Variants in ZMIZ1 observed in about 807,000 individuals in gnomAD.
ZMIZ1 encodes zinc finger MIZ domain-containing protein 1.
Under a neutral mutation model 113.9 loss-of-function variants are expected in ZMIZ1, and 17 were observed. The observed-to-expected ratio is 0.15, with a 90% CI of 0.10 to 0.22. The LOEUF is 0.22. Ranked by LOEUF, ZMIZ1 falls within the 10% of genes least tolerant of loss-of-function variation. The probability of loss-of-function intolerance (pLI) is 1.00; values close to 1 mark genes in which losing one functional copy is unlikely to be tolerated. For synonymous variants in ZMIZ1, 607 were observed against 603.1 expected, an observed-to-expected ratio of 1.01 and a Z score of -0.09; for missense variants, 1,059 against 1,477.8, an observed-to-expected ratio of 0.72 and a Z score of 4.65.
In ZMIZ1 at chr10:79,132,474, C is replaced by T. The variant is rs564300692; in HGVS notation, c.-226-7208C>T. Among the ~76,000 whole-genome samples the T allele has an allele frequency of 4.0e-4, 61 of 152,296 alleles. 1 individual carries two copies. Among genetic ancestry groups the T allele is most frequent in the African/African-American group, 1.4e-3 (60 of 41,554 alleles). Reference sequence around the variant, plus strand: ...GCTGGAGTGAGGCAGCAGGGAGCAGCGAGGACTGTGGCATTCTGGAGAGTG... The same window carrying T: ...GCTGGAGTGAGGCAGCAGGGAGCAGTGAGGACTGTGGCATTCTGGAGAGTG... On this transcript the variant is annotated intron_variant, in intron 2 of 24. Transcript: ENST00000334512.
chr10:79,287,581 C>T (rs1038657746), intron 8 of ZMIZ1, among the ~76,000 whole-genome samples: 2 of 152,250 alleles, frequency 1.3e-5, no homozygotes, highest in South Asian at 2.1e-4. Flanking sequence ...AATACACATA[C>T]GACACCTTGA....
intron 7 of ZMIZ1, among the ~76,000 whole-genome samples, chr10:79,275,068 G>A (rs1450332877): frequency 6.6e-6 from 1 of 152,256 alleles, no homozygotes; most frequent in Non-Finnish European, 1.5e-5. Context: ...GCGTGCAAAT[G>A]AGTTTCCAGA....
chr10:79,209,530 C>A (rs1848457939), intron 6 of ZMIZ1, among the ~76,000 whole-genome samples: 2 of 152,242 alleles, frequency 1.3e-5, no homozygotes, highest in African/African-American at 2.4e-5. Flanking sequence ...GCCCGCCTAT[C>A]CTGAGGCTGG....
At chr10:79,292,049 C>A in intron 10 of ZMIZ1, 109 bp from the exon 11 acceptor site, 1 of 1,119,504 alleles carries the variant, frequency 8.9e-7, no homozygotes, top group Non-Finnish European at 1.3e-6. Flanking sequence ...GCCCCGTCCC[C>A]TCTAGGTTCT....
intron 5 of ZMIZ1, among the ~76,000 whole-genome samples, chr10:79,207,936 T>G (rs1354024920): frequency 6.6e-6 from 1 of 150,912 alleles, no homozygotes; most frequent in Non-Finnish European, 1.5e-5. Context: ...AGGGATCACC[T>G]TCCGCCACCC....
chr10:79,216,268 T>C lies in ZMIZ1; in HGVS notation c.274T>C (p.Ser92Pro), dbSNP rs1160516527. The change falls in exon 7 of 25, where the codon TCT (serine) becomes CCT (proline). Residue 92 changes from serine to proline, a missense_variant. Ser to Pro is a moderately conservative substitution (Grantham distance 74). This residue lies in a region of ZMIZ1 where 272 missense variants were observed against 350.4 expected (regional missense o/e 0.78). Transcript: ENST00000334512. ...AAACCGAGACAAGTTCACCCCGAAG[T>C]CTGCCGGTAGGTGTCCGTGGGGGAC... is the stretch of plus-strand genomic sequence containing the variant. Reference protein sequence around the residue: ...AANRDKFTPKSAALLSSWCEE... With the variant: ...AANRDKFTPKPAALLSSWCEE... 1 of 1,589,142 alleles carries C rather than the reference T, an allele frequency of 6.3e-7. No homozygotes were observed. Among genetic ancestry groups the C allele is most frequent in the Non-Finnish European group, 8.6e-7 (1 of 1,167,726 alleles).
At chr10:79,304,288 C>T (rs1854536083) in intron 19 of ZMIZ1, 113 bp downstream of exon 19, 1 of 1,330,760 alleles carries the variant, frequency 7.5e-7, no homozygotes, top group African/African-American at 1.5e-5. Flanking sequence ...TGAAGGACGT[C>T]ATGGAGATCA....
chr10:79,189,678 A>C (rs900653787), intron 4 of ZMIZ1, among the ~76,000 whole-genome samples: 1 of 152,140 alleles, frequency 6.6e-6, no homozygotes, highest in Non-Finnish European at 1.5e-5. Flanking sequence ...ACATGGGTCA[A>C]CTCGTGAGGT....
At position 79,132,994 on chromosome 10, in the gene ZMIZ1, G is replaced by A. The variant is rs543595221; in HGVS notation, c.-226-6688G>A. On this transcript the variant is annotated intron_variant, in intron 2 of 24. Coordinates refer to ENST00000334512, the MANE Select transcript of ZMIZ1 (RefSeq NM_020338.4). ...CTGGCCCCCTCGCAGGCTCTGGGGT[G>A]GGGGAGGGGAAGCTAAGAAAAGAAC... Among the ~76,000 whole-genome samples, 57 of 152,296 alleles carry A rather than the reference G, an allele frequency of 3.7e-4. 1 individual carries two copies. In the South Asian group the frequency reaches 5.8e-3, roughly 15 times the overall value.
rs558142931 is a variant in ZMIZ1, at chr10:79,125,961, C to T, written c.-227+6937C>T. ...CAGGGACCAGCAGCAGCGATAGGAG[C>T]CTTCTATCTGCAGAAAGGCAGGACT... is the stretch of plus-strand genomic sequence containing the variant. On this transcript the variant is annotated intron_variant, in intron 2 of 24. Coordinates refer to ENST00000334512, the MANE Select transcript of ZMIZ1 (RefSeq NM_020338.4). Among the ~76,000 whole-genome samples the T allele has an allele frequency of 2.6e-5, 4 of 152,304 alleles. 1 individual carries two copies. In the South Asian group the frequency reaches 8.3e-4, roughly 32 times the overall value.
intron 9 of ZMIZ1, chr10:79,290,637 T>C: frequency 1.9e-6 from 1 of 531,616 alleles, no homozygotes; most frequent in Non-Finnish European, 3.6e-6. Flanking sequence ...CACGGGTACC[T>C]GGTACAAGAG....
rs1343161009 is a variant in ZMIZ1 at position 79,175,766 on chromosome 10, C to T, written c.-50+13633C>T. 2.0e-5 allele frequency among the ~76,000 whole-genome samples: 3 copies of T among 152,062 alleles called. No homozygotes were observed. The East Asian group carries it at 5.8e-4, about 29-fold the overall frequency. ...ATGGGCCAGCCAGCAGGAAGGCAAC[C>T]TGCAGCCACAGTGTGGAGCCCACTC... On this transcript the variant is annotated intron_variant, in intron 4 of 24. Coordinates refer to ENST00000334512, the MANE Select transcript of ZMIZ1 (RefSeq NM_020338.4).
intron 7 of ZMIZ1, among the ~76,000 whole-genome samples, chr10:79,268,782 A>G (rs981700145): frequency 1.3e-5 from 2 of 152,196 alleles, no homozygotes; most frequent in Admixed American, 6.5e-5. Flanking sequence ...AGAGGTAATC[A>G]GAATGCATGG....
chr10:79,212,026 C>G (rs1269240938), intron 6 of ZMIZ1, among the ~76,000 whole-genome samples: 1 of 152,218 alleles, frequency 6.6e-6, no homozygotes, highest in Non-Finnish European at 1.5e-5. Flanking sequence ...CCAGCATTCC[C>G]TAGACAGCCT....
At chr10:79,171,916 G>T (rs1008155824) in intron 4 of ZMIZ1, among the ~76,000 whole-genome samples, 2 of 152,266 alleles carry the variant, frequency 1.3e-5, no homozygotes, top group East Asian at 3.9e-4. Flanking sequence ...GCTCAGACCT[G>T]GTACATCGTA....
At chr10:79,184,299 G>A (rs1402265496) in intron 4 of ZMIZ1, among the ~76,000 whole-genome samples, 6 of 152,282 alleles carry the variant, frequency 3.9e-5, no homozygotes, top group South Asian at 4.1e-4. Context: ...CCCCTCTCCC[G>A]ATGTGCACAC....
chr10:79,246,087 G>C (rs961351916), intron 7 of ZMIZ1, among the ~76,000 whole-genome samples: 1 of 152,252 alleles, frequency 6.6e-6, no homozygotes, highest in Non-Finnish European at 1.5e-5. Flanking sequence ...AGCCTGCTGC[G>C]GGGAAGGAGT....
At chr10:79,155,824 T>C (rs1589349420) in intron 3 of ZMIZ1, among the ~76,000 whole-genome samples, 1 of 152,256 alleles carries the variant, frequency 6.6e-6, no homozygotes, top group East Asian at 1.9e-4. Flanking sequence ...CCTAAAAGCC[T>C]CTGGGCCTTT....
intron 22 of ZMIZ1, among the ~76,000 whole-genome samples, chr10:79,306,931 C>T (rs889799491): frequency 1.3e-5 from 2 of 152,234 alleles, no homozygotes; most frequent in African/African-American, 2.4e-5. Context: ...CCCTTGCCAT[C>T]GCCACATGGT....
Sources: allele counts gnomAD v4.1 joint callset (sites outside exome capture counted in the v4.1 genomes callset), GRCh38; gene constraint gnomAD v4.1.1; regional missense constraint gnomAD v4.1.1; transcripts MANE v1.5; gene names NCBI Gene and HGNC (gene_info 2026-07-23, HGNC 2026-07-21).